ATP8A2: variants seen among roughly 807,000 people sequenced by gnomAD.
ATP8A2 encodes phospholipid-transporting ATPase IB.
Under a neutral mutation model 165.6 loss-of-function variants are expected in ATP8A2, and 100 were observed. That is an observed-to-expected ratio of 0.60 (90% CI 0.51 to 0.71). ATP8A2 has a LOEUF of 0.71. Among genes scored for constraint, ATP8A2 ranks in the 30% least tolerant of loss-of-function variants. ATP8A2 has a pLI of 0.00. For missense variants in ATP8A2, 1,227 were observed against 1,479.5 expected (o/e 0.83, Z 2.80); for synonymous variants, 543 against 548.8 (o/e 0.99, Z 0.15).
At chr13:25,753,615 G>T (rs1292046299) in intron 25 of ATP8A2, among the ~76,000 whole-genome samples, 3 of 152,318 alleles carry the variant, frequency 2.0e-5, no homozygotes, top group Non-Finnish European at 1.5e-5. Flanking sequence ...ATCACAGAGG[G>T]AAAATTATCC....
chr13:25,480,646 G>A (rs1305890617), intron 2 of ATP8A2, among the ~76,000 whole-genome samples: 5 of 151,650 alleles, frequency 3.3e-5, no homozygotes, highest in African/African-American at 1.2e-4. Context: ...ATGGCGGCCG[G>A]GCAGAGATGC....
intron 33 of ATP8A2, chr13:25,927,372 C>A: frequency 2.9e-6 from 1 of 350,672 alleles, no homozygotes; most frequent in Non-Finnish European, 5.7e-6. Context: ...CTTTTGGGGG[C>A]CCCCAAATGA....
intron 24 of ATP8A2, among the ~76,000 whole-genome samples, chr13:25,653,989 A>G (rs556261236): frequency 4.6e-5 from 7 of 152,158 alleles, no homozygotes; most frequent in African/African-American, 1.7e-4. Flanking sequence ...CTTGGGAAGA[A>G]AGGTGAGGGA....
At chr13:25,554,906 C>T in intron 12 of ATP8A2, 85 bp from the exon 13 acceptor site, 1 of 917,124 alleles carries the variant, frequency 1.1e-6, no homozygotes, top group Non-Finnish European at 1.7e-6. Context: ...ATTACCCATT[C>T]TTAGCTTCTT....
chr13:25,554,821 A>G (rs893474354), intron 12 of ATP8A2, among the ~76,000 whole-genome samples, 170 bp from the exon 13 acceptor site: 1 of 152,086 alleles, frequency 6.6e-6, no homozygotes, highest in African/African-American at 2.4e-5. Flanking sequence ...CGGCCTCCCA[A>G]AGTGGTGGGA....
intron 1 of ATP8A2, among the ~76,000 whole-genome samples, chr13:25,452,011 C>T (rs370467317): frequency 1.4e-4 from 21 of 152,058 alleles, no homozygotes; most frequent in Non-Finnish European, 2.9e-4. Context: ...CCTGCCACCA[C>T]ACCTGGTTAT....
intron 30 of ATP8A2, among the ~76,000 whole-genome samples, chr13:25,857,146 G>A (rs1952189540): frequency 6.6e-6 from 1 of 152,098 alleles, no homozygotes; most frequent in Non-Finnish European, 1.5e-5. Flanking sequence ...CCCAGTGCCT[G>A]CAGCCCCACT....
intron 27 of ATP8A2, among the ~76,000 whole-genome samples, chr13:25,791,726 GC>G (rs1350878697): frequency 1.8e-4 from 28 of 152,040 alleles, no homozygotes; most frequent in Admixed American, 1.6e-3. Flanking sequence ...CTTAAAATTT[GC>G]CTTCTGTGGA....
chr13:25,494,112 CAGG>C (rs2036603641), intron 2 of ATP8A2, among the ~76,000 whole-genome samples: 3 of 151,878 alleles, frequency 2.0e-5, no homozygotes, highest in Non-Finnish European at 4.4e-5. Flanking sequence ...TTGGAACAGC[CAGG>C]ATGGTGCATG....
At chr13:25,464,446 TAAAAAAAAAA>T in intron 1 of ATP8A2, among the ~76,000 whole-genome samples, 1 of 127,450 alleles carries the variant, frequency 7.8e-6, no homozygotes, top group East Asian at 2.3e-4. Flanking sequence ...CATCTCTATC[TAAAAAAAAAA>T]AAAAAAAAAA....
chr13:25,739,085 AG>A (rs2043850800), intron 25 of ATP8A2, among the ~76,000 whole-genome samples: 1 of 152,252 alleles, frequency 6.6e-6, no homozygotes, highest in African/African-American at 2.4e-5. Context: ...CTTCTGGAGC[AG>A]GAGAGTCACA....
chr13:25,871,303 G>A (rs1016330583), intron 33 of ATP8A2: 1 of 272,330 alleles, frequency 3.7e-6, no homozygotes, highest in Non-Finnish European at 7.3e-6. Context: ...GAAACATGTG[G>A]AAATGTGTAT....
chr13:25,933,545 C>T (rs570840292), intron 33 of ATP8A2, among the ~76,000 whole-genome samples: 1 of 152,308 alleles, frequency 6.6e-6, no homozygotes, highest in South Asian at 2.1e-4. Context: ...GAGTAAATGA[C>T]AGCAGTGATC....
chr13:25,449,696 C>A (rs926465646), intron 1 of ATP8A2, among the ~76,000 whole-genome samples: 6 of 152,162 alleles, frequency 3.9e-5, no homozygotes, highest in African/African-American at 1.4e-4. Flanking sequence ...TTTCAACTTG[C>A]AGATCTATTA....
intron 27 of ATP8A2, among the ~76,000 whole-genome samples, chr13:25,779,067 G>A (rs1029844430): frequency 5.3e-5 from 8 of 151,754 alleles, no homozygotes; most frequent in African/African-American, 1.7e-4. Context: ...ACTTAAAAAT[G>A]GCTATGGTGG....
intron 23 of ATP8A2, among the ~76,000 whole-genome samples, chr13:25,584,474 T>C (rs1034761528): frequency 2.0e-5 from 3 of 152,182 alleles, no homozygotes; most frequent in Non-Finnish European, 4.4e-5. Flanking sequence ...AGATCAAGTA[T>C]CTAGCAGTTC....
In ATP8A2 at chr13:25,518,783, C is replaced by A. The variant is rs181060314; in HGVS notation, c.222-11216C>A. On this transcript the variant is annotated intron_variant, in intron 2 of 36. Coordinates refer to ENST00000381655, the MANE Select transcript of ATP8A2 (RefSeq NM_016529.6). ...GACCCAGACCCATATTTTGCCAGAC[C>A]CTATTTTCTAATGGATTGTTTCTGT... 1.4e-3 allele frequency among the ~76,000 whole-genome samples: 213 copies of A among 152,196 alleles called. 1 individual carries two copies. Among genetic ancestry groups the A allele is most frequent in the South Asian group, 4.4e-3 (21 of 4,808 alleles).
intron 24 of ATP8A2, among the ~76,000 whole-genome samples, chr13:25,651,453 T>G (rs995897367): frequency 3.3e-5 from 5 of 151,316 alleles, no homozygotes; most frequent in African/African-American, 1.2e-4. Flanking sequence ...AAAAAAAAAA[T>G]TATTCATACA....
At chr13:25,578,549 A>G (rs752893604) in intron 20 of ATP8A2, among the ~76,000 whole-genome samples, 8 of 152,196 alleles carry the variant, frequency 5.3e-5, no homozygotes, top group Non-Finnish European at 8.8e-5. Context: ...GCCCCCATGT[A>G]TTCCAATGAT....
Sources: gnomAD v4.1 joint callset for allele counts (sites outside exome capture counted in the v4.1 genomes callset) on GRCh38, gnomAD v4.1.1 for gene constraint, MANE v1.5 for transcripts, NCBI Gene and HGNC (gene_info 2026-07-23, HGNC 2026-07-21) for gene names.